MME: variants seen among roughly 807,000 people sequenced by gnomAD.
The protein encoded by MME is membrane metalloendopeptidase.
Under a neutral mutation model 113.2 loss-of-function variants are expected in MME, and 98 were observed. The observed-to-expected ratio is 0.87, with a 90% CI of 0.74 to 1.02. MME has a LOEUF of 1.02. MME is among the 50% of genes least tolerant of loss of function. The pLI is 0.00. For synonymous variants in MME, 292 were observed against 300.6 expected (o/e 0.97, Z 0.30); for missense variants, 836 against 896.0 (o/e 0.93, Z 0.86).
chr3:155,033,075 T>A (rs897670986), intron 1 of MME, among the ~76,000 whole-genome samples: 1 of 152,194 alleles, frequency 6.6e-6, no homozygotes, highest in East Asian at 1.9e-4. Context: ...AGAAAGTTAA[T>A]CTATAAAAAA....
At chr3:155,065,602 T>C (rs1026315187) in intron 1 of MME, among the ~76,000 whole-genome samples, 4 of 152,240 alleles carry the variant, frequency 2.6e-5, no homozygotes, top group Non-Finnish European at 1.5e-5. Flanking sequence ...TGTCTCTTTA[T>C]CTGCTAGTAC....
chr3:155,027,375 G>A (rs1712822074), intron 1 of MME, among the ~76,000 whole-genome samples: 3 of 152,136 alleles, frequency 2.0e-5, no homozygotes, highest in Admixed American at 2.0e-4. Context: ...TAAAGCCCTG[G>A]GCAAGGTTTT....
intron 15 of MME, among the ~76,000 whole-genome samples, chr3:155,148,164 T>C (rs1441192969): frequency 6.6e-6 from 1 of 152,106 alleles, no homozygotes; most frequent in Non-Finnish European, 1.5e-5. Flanking sequence ...TTAGATTCTA[T>C]TAGTATAATA....
intron 8 of MME, among the ~76,000 whole-genome samples, chr3:155,125,444 C>CCTT (rs1719562700): frequency 1.5e-5 from 1 of 65,286 alleles, no homozygotes; most frequent in Non-Finnish European, 2.7e-5. Flanking sequence ...GCTCCTCCTC[C>CCTT]TTTTTTTTTT....
Position 155,084,260 on chromosome 3 carries a change from C to T in MME, c.93C>T (p.Leu31=). The T allele has an allele frequency of 6.2e-7, 1 of 1,614,182 alleles. No homozygotes were observed. The highest frequency in any genetic ancestry group is 8.5e-7 in the Non-Finnish European group (1 of 1,180,032). ...KQRWTPLEIS[L]SVLVLLLTII... Reference sequence around the variant, plus strand: ...GATGGACTCCACTGGAGATCAGCCTCTCGGTCCTTGTCCTGCTCCTCACCA... The same window carrying T: ...GATGGACTCCACTGGAGATCAGCCTTTCGGTCCTTGTCCTGCTCCTCACCA... Residue 31 remains leucine (L), a synonymous_variant, in exon 2 of 23, where the codon CTC becomes CTT. Transcript: ENST00000360490.
At chr3:155,095,692 T>C (rs1456771082) in intron 3 of MME, among the ~76,000 whole-genome samples, 5 of 152,130 alleles carry the variant, frequency 3.3e-5, no homozygotes, top group Non-Finnish European at 7.3e-5. Context: ...CATTTTTTTT[T>C]CCACAAAAGC....
At chr3:155,045,949 A>T (rs1576668139) in intron 1 of MME, among the ~76,000 whole-genome samples, 1 of 152,152 alleles carries the variant, frequency 6.6e-6, no homozygotes, top group East Asian at 1.9e-4. Context: ...GATTTTCTGT[A>T]TTCTCTGTGA....
At chr3:155,100,557 A>G (rs1223114090) in intron 3 of MME, among the ~76,000 whole-genome samples, 2 of 152,220 alleles carry the variant, frequency 1.3e-5, no homozygotes, top group African/African-American at 4.8e-5. Context: ...TAGTATTGTG[A>G]TGCAGTGTAC....
intron 1 of MME, among the ~76,000 whole-genome samples, chr3:155,047,458 C>T (rs1461825279): frequency 6.6e-6 from 1 of 152,172 alleles, no homozygotes; most frequent in Non-Finnish European, 1.5e-5. Context: ...CAACACATTT[C>T]CCAGAACATA....
Position 155,144,882 on chromosome 3 carries a change from G to T in MME, c.1416+425G>T, listed in dbSNP as rs991862941. 2.0e-5 allele frequency among the ~76,000 whole-genome samples: 3 copies of T among 152,088 alleles called. No individual in the cohort carries two copies. In the South Asian group the frequency reaches 6.2e-4, roughly 31 times the overall value. Reference sequence around the variant, plus strand: ...AGGTTTAAATTTACTGTGATCATTTGTCTTTATAATTATATAATAACTAGG... The same window carrying T: ...AGGTTTAAATTTACTGTGATCATTTTTCTTTATAATTATATAATAACTAGG... On this transcript the variant is annotated intron_variant, in intron 14 of 22. Coordinates refer to ENST00000360490, the MANE Select transcript of MME (RefSeq NM_007289.4).
intron 3 of MME, among the ~76,000 whole-genome samples, chr3:155,087,614 A>G (rs918476875): frequency 3.3e-5 from 5 of 152,102 alleles, no homozygotes; most frequent in Admixed American, 1.3e-4. Flanking sequence ...TTACATATTG[A>G]CTACTAAGGG....
rs560346256 is a variant in MME at position 155,042,664 on chromosome 3, C to A, written c.-11+18340C>A. Among the ~76,000 whole-genome samples, 13 of 151,838 alleles carry A rather than the reference C, an allele frequency of 8.6e-5. 1 individual carries two copies. Among genetic ancestry groups the A allele is most frequent in the African/African-American group, 3.1e-4 (13 of 41,472 alleles). ...TATCTATTTTTTCATGCCCTCCCCA[C>A]CATTGGATGTTAACAAATGTTTTGA... On this transcript the variant is annotated intron_variant, in intron 1 of 22. Transcript: ENST00000492661.
intron 1 of MME, among the ~76,000 whole-genome samples, chr3:155,054,735 T>C (rs946533264): frequency 6.6e-6 from 1 of 152,190 alleles, no homozygotes; most frequent in African/African-American, 2.4e-5. Flanking sequence ...GAGAATTGCT[T>C]GAACCCAGGA....
At chr3:155,137,971 T>C (rs1720763331) in intron 8 of MME, 131 bp from the exon 9 acceptor site, 2 of 1,032,702 alleles carry the variant, frequency 1.9e-6, no homozygotes, top group Non-Finnish European at 2.9e-6. Flanking sequence ...CTTTAAATAC[T>C]TAGAAAAGGA....
chr3:155,100,502 C>G (rs1270457202), intron 3 of MME, among the ~76,000 whole-genome samples: 1 of 152,222 alleles, frequency 6.6e-6, no homozygotes, highest in East Asian at 1.9e-4. Context: ...GGTGATTCCT[C>G]AGAGAAATAA....
At chr3:155,134,995 CTTGTTGAA>C (rs1299927167) in intron 8 of MME, among the ~76,000 whole-genome samples, 1 of 151,840 alleles carries the variant, frequency 6.6e-6, no homozygotes, top group Non-Finnish European at 1.5e-5. Flanking sequence ...TTGTTTTTTG[CTTGTTGAA>C]TTGTTTAAGT....
At chr3:155,063,423 A>G (rs1205300988) in intron 1 of MME, among the ~76,000 whole-genome samples, 1 of 91,660 alleles carries the variant, frequency 1.1e-5, no homozygotes, top group Non-Finnish European at 2.1e-5. Flanking sequence ...TTTTATTCAT[A>G]ATAAAAATAT....
At chr3:155,044,129 T>C (rs1159411590) in intron 1 of MME, among the ~76,000 whole-genome samples, 1 of 138,744 alleles carries the variant, frequency 7.2e-6, no homozygotes, top group African/African-American at 2.8e-5. Flanking sequence ...CTTTTTCTTT[T>C]TTTTTTTTTT....
rs199716932 is a variant in MME at position 155,146,820 on chromosome 3, G to GA, written c.1417-315dup. Among the ~76,000 whole-genome samples the GA allele has an allele frequency of 1.6e-3, 237 of 148,992 alleles. 1 individual carries two copies. The highest frequency in any genetic ancestry group is 4.6e-3 in the African/African-American group (187 of 40,592). On this transcript the variant is annotated intron_variant, in intron 14 of 22. Transcript: ENST00000360490. ...TAAATATTACTTCTTCTAAAAAATT[G>GA]AAAAAAAAAGCTTTGAGAGAAAAAG...
Sources: allele counts gnomAD v4.1 joint callset (sites outside exome capture counted in the v4.1 genomes callset), GRCh38; gene constraint gnomAD v4.1.1; transcripts MANE v1.5; gene names NCBI Gene and HGNC (gene_info 2026-07-23, HGNC 2026-07-21).